The following RINT1 variants were observed in gnomAD, a reference collection of about 807,000 sequenced individuals.
The protein encoded by RINT1 is RAD50-interacting protein 1.
RINT1 carries 75 observed loss-of-function variants against 97.7 expected under a neutral mutation model. That is an observed-to-expected ratio of 0.77 (90% CI 0.64 to 0.93). The LOEUF is 0.93. Among genes scored for constraint, RINT1 ranks in the 40% least tolerant of loss-of-function variants. RINT1 has a pLI of 0.00. For missense variants in RINT1, 892 were observed against 925.2 expected, an observed-to-expected ratio of 0.96 and a Z score of 0.47; for synonymous variants, 303 against 326.3, an observed-to-expected ratio of 0.93 and a Z score of 0.77.
At position 105,565,330 on chromosome 7, in the gene RINT1, C is replaced by T. The variant is rs187666745; in HGVS notation, c.1940C>T (p.Ser647Leu). 2.3e-5 allele frequency: 37 copies of T among 1,614,156 alleles called. No homozygotes were observed. The highest frequency in any genetic ancestry group is 2.2e-4 in the East Asian group (10 of 44,888). The change falls in exon 13 of 15, where the codon TCG (serine) becomes TTG (leucine). Residue 647 changes from serine (S) to leucine (L), a missense_variant. Physicochemically the swap from Ser to Leu is moderately radical, Grantham distance 145. Coordinates refer to ENST00000257700, the MANE Select transcript of RINT1 (RefSeq NM_021930.6). ...CAGGCAGTGATGTCCCTGTCCAGTTCGGCTTGCCCGTTGCTGCTGACGTTA... is the reference window on the plus strand; with the variant it reads ...CAGGCAGTGATGTCCCTGTCCAGTTTGGCTTGCCCGTTGCTGCTGACGTTA... ...SEQAVMSLSS[S>L]ACPLLLTLRD... is the part of the protein sequence containing the mutation.
chr7:105,544,205 C>T (rs148977827), intron 4 of RINT1, among the ~76,000 whole-genome samples: 15 of 152,144 alleles, frequency 9.9e-5, no homozygotes, highest in African/African-American at 3.6e-4. Flanking sequence ...AAATTATTTG[C>T]AGTGAAGGAA....
At chr7:105,552,161 C>G (rs1790956326) in intron 10 of RINT1, among the ~76,000 whole-genome samples, 1 of 152,100 alleles carries the variant, frequency 6.6e-6, no homozygotes. Context: ...AAATCTAACA[C>G]AATATTCTAA....
At chr7:105,549,860 G>C (rs925073779) in intron 7 of RINT1, among the ~76,000 whole-genome samples, 195 bp from the exon 8 acceptor site, 1 of 152,028 alleles carries the variant, frequency 6.6e-6, no homozygotes, top group Non-Finnish European at 1.5e-5. Flanking sequence ...AAATTTGTTG[G>C]GAGTACATTA....
intron 11 of RINT1, 81 bp downstream of exon 11, chr7:105,555,308 T>C (rs1791135127): frequency 8.5e-7 from 1 of 1,174,182 alleles, no homozygotes; most frequent in Non-Finnish European, 1.2e-6. Context: ...GTTGAATCTA[T>C]TGCAAGCAAA....
chr7:105,554,000 G>A (rs1435277304), intron 10 of RINT1, among the ~76,000 whole-genome samples: 14 of 139,896 alleles, frequency 1.0e-4, no homozygotes, highest in Non-Finnish European at 2.0e-4. Flanking sequence ...CCGGGTTCAC[G>A]CCATTCTCCT....
At chr7:105,545,800 C>A (rs1790642832) in intron 4 of RINT1, among the ~76,000 whole-genome samples, 1 of 136,866 alleles carries the variant, frequency 7.3e-6, no homozygotes. Context: ...AAAGAGGCCA[C>A]CACGCCTGGC....
In RINT1 at chr7:105,555,149, C is replaced by A. The variant is rs775704898; in HGVS notation, c.1593C>A (p.Ser531=). The change falls in exon 11 of 15, where the codon TCC becomes TCA. Residue 531 remains serine (S), a synonymous_variant. Transcript: ENST00000257700. ...TQVMKEETRA[S]LGFRYCAILN... ...TGATGAAAGAAGAGACTAGAGCTTC[C>A]CTTGGCTTTCGATACTGTGCAATTC... 5.6e-6 allele frequency: 9 copies of A among 1,613,890 alleles called. No individual in the cohort carries two copies. The highest frequency in any genetic ancestry group is 7.6e-6 in the Non-Finnish European group (9 of 1,179,986).
At chr7:105,544,311 C>T (rs371686215) in intron 4 of RINT1, among the ~76,000 whole-genome samples, 3 of 151,924 alleles carry the variant, frequency 2.0e-5, no homozygotes, top group Non-Finnish European at 2.9e-5. Context: ...AAGTAAAATA[C>T]GTTATTTGAA....
chr7:105,534,844 T>C (rs1258083476), intron 2 of RINT1, among the ~76,000 whole-genome samples: 1 of 152,048 alleles, frequency 6.6e-6, no homozygotes, highest in East Asian at 1.9e-4. Flanking sequence ...TTTAATTTAA[T>C]TCATATAAGT....
At chr7:105,560,295 T>G (rs1376966954) in intron 11 of RINT1, among the ~76,000 whole-genome samples, 1 of 152,170 alleles carries the variant, frequency 6.6e-6, no homozygotes, top group Non-Finnish European at 1.5e-5. Context: ...AAGTTATGTG[T>G]GCATCCCTGG....
At chr7:105,540,617 C>T (rs62486991) in intron 3 of RINT1, among the ~76,000 whole-genome samples, 3 of 151,902 alleles carry the variant, frequency 2.0e-5, no homozygotes, top group Non-Finnish European at 4.4e-5. Flanking sequence ...AGGCTGGTCT[C>T]GAACTCCTGA....
chr7:105,546,968 G>C lies in RINT1; in HGVS notation c.574G>C (p.Val192Leu). The C allele has an allele frequency of 6.2e-7, 1 of 1,613,918 alleles. No homozygotes were observed. The highest frequency in any genetic ancestry group is 8.5e-7 in the Non-Finnish European group (1 of 1,179,902). The part of the protein sequence containing the change: ...NNVPEAASTL[V>L]SMAELDIKLQ... ...TGTACCGGAGGCAGCCTCCACTCTAGTGTCTATGGCAGAACTTGACATTAA... is the reference window on the plus strand; with the variant it reads ...TGTACCGGAGGCAGCCTCCACTCTACTGTCTATGGCAGAACTTGACATTAA... The change falls in exon 5 of 15, where the codon GTG becomes CTG. Residue 192 changes from valine to leucine, a missense_variant. By Grantham distance (32) the Val-to-Leu change is conservative. Coordinates refer to ENST00000257700, the MANE Select transcript of RINT1 (RefSeq NM_021930.6).
chr7:105,551,729 T>G (rs768231320), intron 10 of RINT1, 22 bp downstream of exon 10: 1 of 1,570,706 alleles, frequency 6.4e-7, no homozygotes, highest in South Asian at 1.2e-5. Context: ...TTTTAAGATA[T>G]GACTTTGTTT....
chr7:105,541,643 G>A (rs997835875), intron 3 of RINT1: 1 of 152,110 alleles, frequency 6.6e-6, no homozygotes, highest in African/African-American at 2.4e-5. Context: ...GAGCGTGATG[G>A]CACGTGTCTA....
Position 105,550,137 on chromosome 7 carries a change from A to T in RINT1, c.1079A>T (p.Asp360Val). Reference protein sequence around the residue: ...FLDEKIQPILDKVGSLVNARL... With the variant: ...FLDEKIQPILVKVGSLVNARL... Reference sequence around the variant, plus strand: ...GATGAGAAGATTCAGCCAATATTAGACAAAGTAGGCTCTTTGGTAAACGCA... The same window carrying T: ...GATGAGAAGATTCAGCCAATATTAGTCAAAGTAGGCTCTTTGGTAAACGCA... Residue 360 changes from aspartate (D) to valine (V), a missense_variant, in exon 8 of 15, where the codon GAC becomes GTC. Asp to Val is a radical substitution (Grantham distance 152, BLOSUM62 -3). Coordinates refer to ENST00000257700, the MANE Select transcript of RINT1 (RefSeq NM_021930.6). 6.2e-7 allele frequency: 1 copy of T among 1,613,716 alleles called. No individual in the cohort carries two copies.
chr7:105,567,143 G>C lies in RINT1; in HGVS notation c.2211G>C (p.Leu737Phe). The change falls in exon 15 of 15, where the codon TTG becomes TTC. Residue 737 changes from leucine to phenylalanine, a missense_variant. Physicochemically the swap from Leu to Phe is conservative, Grantham distance 22. Coordinates refer to ENST00000257700, the MANE Select transcript of RINT1 (RefSeq NM_021930.6). ...GTATAAAAGAAGCCTGTATTGTTTT[G>C]AATTTGAACGTCGGTTCTGCACTAC... ...FKHIKEACIV[L>F]NLNVGSALLL... The C allele has an allele frequency of 6.3e-7, 1 of 1,579,214 alleles. No homozygotes were observed. The highest frequency in any genetic ancestry group is 8.6e-7 in the Non-Finnish European group (1 of 1,167,474).
intron 11 of RINT1, among the ~76,000 whole-genome samples, chr7:105,561,164 A>T (rs1427962990): frequency 1.3e-5 from 2 of 152,136 alleles, no homozygotes; most frequent in Non-Finnish European, 2.9e-5. Flanking sequence ...GGAAAAATAA[A>T]ATTTCAGACC....
chr7:105,544,012 A>G (rs1014825256), intron 4 of RINT1, among the ~76,000 whole-genome samples: 3 of 151,910 alleles, frequency 2.0e-5, no homozygotes, highest in African/African-American at 7.2e-5. Flanking sequence ...AGGCAGGGGA[A>G]TTGCTTGGAC....
intron 11 of RINT1, among the ~76,000 whole-genome samples, chr7:105,559,803 C>A (rs1791362698): frequency 6.6e-6 from 1 of 152,146 alleles, no homozygotes; most frequent in Non-Finnish European, 1.5e-5. Flanking sequence ...GTCCTTCAGC[C>A]AGTGAATACT....
Sources: allele counts gnomAD v4.1 joint callset (sites outside exome capture counted in the v4.1 genomes callset), GRCh38; gene constraint gnomAD v4.1.1; transcripts MANE v1.5; gene names NCBI Gene and HGNC (gene_info 2026-07-23, HGNC 2026-07-21).